Variants in VPS18 observed in about 807,000 individuals in gnomAD.
VPS18 encodes the protein vacuolar protein sorting-associated protein 18 homolog.
VPS18 carries 25 observed loss-of-function variants against 82.0 expected under a neutral mutation model. That is an observed-to-expected ratio of 0.30 (90% confidence interval 0.22 to 0.43). The LOEUF is 0.43. VPS18 is among the 20% of genes least tolerant of loss of function. The pLI is 1.00. For synonymous variants in VPS18, 523 were observed against 543.0 expected (o/e 0.96, Z 0.51); for missense variants, 1,168 against 1,311.1 (o/e 0.89, Z 1.69).
In VPS18 at chr15:40,903,138, C is replaced by T. The variant is rs1393290143; in HGVS notation, c.2719C>T (p.Pro907Ser). Residue 907 changes from proline to serine, a missense_variant, in exon 5 of 5, where the codon CCC (proline) becomes TCC (serine). Coordinates refer to ENST00000220509, the MANE Select transcript of VPS18 (RefSeq NM_020857.3). ...ELQRKLGAAP[P>S]PAKGSARAKE... is the part of the protein sequence containing the mutation. ...GCAGAGGAAGCTGGGGGCTGCTCCACCCCCAGCCAAGGGCTCTGCCCGGGC... is the reference window on the plus strand; with the variant it reads ...GCAGAGGAAGCTGGGGGCTGCTCCATCCCCAGCCAAGGGCTCTGCCCGGGC... 4 of 1,608,516 alleles carry T rather than the reference C, an allele frequency of 2.5e-6. No homozygotes were observed. The highest frequency in any genetic ancestry group is 1.1e-5 in the South Asian group (1 of 90,678).
intron 4 of VPS18, among the ~76,000 whole-genome samples, chr15:40,901,311 C>T (rs1892353786): frequency 6.6e-6 from 1 of 152,198 alleles, no homozygotes; most frequent in Admixed American, 6.5e-5. Context: ...ATGAAAAGTA[C>T]GCAGGGCTGG....
chr15:40,899,782 G>T lies in VPS18; in HGVS notation c.964G>T (p.Ala322Ser). 2 of 1,612,364 alleles carry T rather than the reference G, an allele frequency of 1.2e-6. No individual in the cohort carries two copies. ...GTACCCAGAGGGGGTAGGGCCTGGG[G>T]CCAGCCCACCCCTAGCCATCGTCTT... ...WEYPEGVGPG[A>S]SPPLAIVLTQ... The change falls in exon 4 of 5, where the codon GCC becomes TCC. Residue 322 changes from alanine to serine, a missense_variant. By Grantham distance (99) the Ala-to-Ser change is moderately conservative (BLOSUM62 1). Transcript: ENST00000220509. This position sits in a 1 kb window ranked among gnomAD's most constrained non-coding sequence, Gnocchi z 4.4.
chr15:40,897,296 G>GAA lies in VPS18; in HGVS notation c.233+1229_233+1230dup, dbSNP rs745766692. On this transcript the variant is annotated intron_variant, in intron 2 of 4. Transcript: ENST00000220509. ...GGATGACAAGAGCAAGACTTTGTCT[G>GAA]AAAAAAAAAAAAAGAGTTATCCTGG... is the stretch of plus-strand genomic sequence containing the variant. 1.8e-4 allele frequency among the ~76,000 whole-genome samples: 24 copies of GAA among 134,980 alleles called. 1 individual carries two copies. The highest frequency in any genetic ancestry group is 1.6e-3 in the Admixed American group (22 of 13,390). The allele number at this position is 134,980 out of a possible 152,430, so 88.6% of individuals were successfully genotyped here.
chr15:40,894,904 A>G, intron 1 of VPS18, 45 bp downstream of exon 1: 1 of 1,525,344 alleles, frequency 6.6e-7, no homozygotes, highest in Non-Finnish European at 8.8e-7. Context: ...CTCTCCTAGC[A>G]TTTGCGTGGG....
chr15:40,900,780 C>T lies in VPS18; in HGVS notation c.1962C>T (p.Asn654=), dbSNP rs781201340. 5.6e-6 allele frequency: 9 copies of T among 1,614,106 alleles called. No individual in the cohort carries two copies. Among genetic ancestry groups the T allele is most frequent in the Non-Finnish European group, 6.8e-6 (8 of 1,180,052 alleles). Residue 654 remains asparagine, a synonymous_variant, in exon 4 of 5, where the codon AAC becomes AAT. Transcript: ENST00000220509. The surrounding 1 kb of genome is among the most constrained non-coding windows in gnomAD (Gnocchi z 5.4). ...TCCGCTACATGGAGTTCTGCGTGAA[C>T]GTGCTGGGGGAGACTGAGCAGGCCA... The part of the protein sequence containing the change: ...QAIRYMEFCV[N]VLGETEQAIH...
chr15:40,899,617 T>C lies in VPS18; in HGVS notation c.799T>C (p.Tyr267His), dbSNP rs147916055. 19 of 1,611,138 alleles carry C rather than the reference T, an allele frequency of 1.2e-5. No homozygotes were observed. In the African/African-American group the frequency reaches 2.5e-4, roughly 21 times the overall value. Residue 267 changes from tyrosine (Y) to histidine (H), a missense_variant, in exon 4 of 5, where the codon TAC becomes CAC. Tyr to His is a moderately conservative substitution (Grantham distance 83, BLOSUM62 2). Transcript: ENST00000220509. This position sits in a 1 kb window ranked among gnomAD's most constrained non-coding sequence, Gnocchi z 4.4. The part of the protein sequence containing the change: ...PFREFPSNLG[Y>H]SELAFYTPKL... ...CCGTGAGTTTCCCAGCAACCTGGGC[T>C]ACAGTGAGTTGGCCTTCTACACCCC...
intron 2 of VPS18, among the ~76,000 whole-genome samples, chr15:40,897,484 A>G (rs1311219696): frequency 1.3e-5 from 2 of 152,194 alleles, no homozygotes; most frequent in East Asian, 3.8e-4. Context: ...AAACCACCCT[A>G]TTTATGTTAT....
intron 2 of VPS18, among the ~76,000 whole-genome samples, chr15:40,896,376 C>A (rs1892230019): frequency 6.6e-6 from 1 of 151,938 alleles, no homozygotes; most frequent in African/African-American, 2.4e-5. Context: ...CCCGTCTCTA[C>A]CAAAACAAAT....
At position 40,900,089 on chromosome 15, in the gene VPS18, C is replaced by T. The variant is rs373367742; in HGVS notation, c.1271C>T (p.Thr424Met). ...YCRERPDCLDTVLAREADFCF... is the reference protein window; with the variant it reads ...YCRERPDCLDMVLAREADFCF... Reference sequence around the variant, plus strand: ...CGAGAGCGGCCCGACTGCCTGGACACGGTCCTGGCCCGGGAGGCCGATTTC... The same window carrying T: ...CGAGAGCGGCCCGACTGCCTGGACATGGTCCTGGCCCGGGAGGCCGATTTC... Residue 424 changes from threonine (T) to methionine (M), a missense_variant, in exon 4 of 5, where the codon ACG becomes ATG. Around this residue, in one of 3 missense-constraint regions of VPS18, gnomAD observed 868 missense variants for 939.8 expected, o/e 0.92. Transcript: ENST00000220509. The surrounding 1 kb of genome is among the most constrained non-coding windows in gnomAD (Gnocchi z 5.4). The T allele has an allele frequency of 3.5e-5, 56 of 1,613,790 alleles. No individual in the cohort carries two copies. The highest frequency in any genetic ancestry group is 3.3e-4 in the Middle Eastern group (2 of 6,084).
chr15:40,894,693 G>C lies in VPS18; in HGVS notation c.-76G>C, dbSNP rs966918657. 14 of 1,416,196 alleles carry C rather than the reference G, an allele frequency of 9.9e-6. No homozygotes were observed. Among genetic ancestry groups the C allele is most frequent in the Admixed American group, 7.4e-5 (3 of 40,606 alleles). 87.7% of individuals were successfully genotyped at this position (1,416,196 alleles called of 1,614,324 possible). A position where few individuals can be genotyped will look rare whatever the true frequency, so the allele number is the denominator to read the frequency against. ...CTGGGGAGTTACAGCTTCCATTCTG[G>C]GGCGACGGGGACCCCGGGGGGGTAG... On this transcript the variant is annotated 5_prime_UTR_variant, in exon 1 of 5. Transcript: ENST00000220509.
At chr15:40,897,431 C>A (rs1278754400) in intron 2 of VPS18, among the ~76,000 whole-genome samples, 1 of 151,994 alleles carries the variant, frequency 6.6e-6, no homozygotes, top group African/African-American at 2.4e-5. Flanking sequence ...AAGACACATA[C>A]ACATATGTGC....
chr15:40,899,661 C>G lies in VPS18; in HGVS notation c.843C>G (p.Pro281=). 6.2e-7 allele frequency: 1 copy of G among 1,613,622 alleles called. No homozygotes were observed. Among genetic ancestry groups the G allele is most frequent in the Non-Finnish European group, 8.5e-7 (1 of 1,180,038 alleles). Residue 281 remains proline (P), a synonymous_variant, in exon 4 of 5, where the codon CCC becomes CCG. Transcript: ENST00000220509. The surrounding 1 kb of genome is among the most constrained non-coding windows in gnomAD (Gnocchi z 4.4). ...AFYTPKLRSA[P]RAFAWMMGDG... is the part of the protein sequence containing the mutation. ...ACACCCCCAAGCTGCGCTCCGCACC[C>G]CGGGCCTTCGCCTGGATGATGGGGG...
rs773562166 is a variant in VPS18, at chr15:40,899,209, G to T, written c.391G>T (p.Val131Leu). 4 of 1,614,100 alleles carry T rather than the reference G, an allele frequency of 2.5e-6. 1 individual carries two copies. In the Admixed American group the frequency reaches 5.0e-5, roughly 20 times the overall value. Residue 131 changes from valine (V) to leucine (L), a missense_variant, in exon 4 of 5, where the codon GTA (valine) becomes TTA (leucine). Physicochemically the swap from Val to Leu is conservative, Grantham distance 32. Coordinates refer to ENST00000220509, the MANE Select transcript of VPS18 (RefSeq NM_020857.3). The surrounding 1 kb of genome is among the most constrained non-coding windows in gnomAD (Gnocchi z 4.4). ...CTACGTGAACCGAAATGGACAGAAG[G>T]TACGGCCACTAGCACGCTGGAAGGG... is the stretch of plus-strand genomic sequence containing the variant. Reference protein sequence around the residue: ...VLYVNRNGQKVRPLARWKGQL... With the variant: ...VLYVNRNGQKLRPLARWKGQL...
chr15:40,898,938 C>G lies in VPS18; in HGVS notation c.265C>G (p.His89Asp). The G allele has an allele frequency of 1.2e-6, 2 of 1,614,136 alleles. No individual in the cohort carries two copies. The highest frequency in any genetic ancestry group is 1.7e-6 in the Non-Finnish European group (2 of 1,180,016). ...CTTGGGCAAGGCAAATGAGCCCAACCACGTGGAGCTGGGACGTAAGGATGA... is the reference window on the plus strand; with the variant it reads ...CTTGGGCAAGGCAAATGAGCCCAACGACGTGGAGCTGGGACGTAAGGATGA... ...IDLGKANEPN[H>D]VELGRKDDAK... Residue 89 changes from histidine to aspartate, a missense_variant, in exon 3 of 5, where the codon CAC becomes GAC. By Grantham distance (81) the His-to-Asp change is moderately conservative. Around this residue, in one of 3 missense-constraint regions of VPS18, gnomAD observed 868 missense variants for 939.8 expected, o/e 0.92. Coordinates refer to ENST00000220509, the MANE Select transcript of VPS18 (RefSeq NM_020857.3).
At position 40,900,189 on chromosome 15, in the gene VPS18, C is replaced by T. The variant is rs1340105101; in HGVS notation, c.1371C>T (p.Ala457=). Reference sequence around the variant, plus strand: ...CCCAGAGCTACTTTGAGGAGATTGCCCTCAAGTTCCTGGAGGCCCGACAGG... The same window carrying T: ...CCCAGAGCTACTTTGAGGAGATTGCTCTCAAGTTCCTGGAGGCCCGACAGG... ...ALTQSYFEEI[A]LKFLEARQEE... is the part of the protein sequence containing the mutation. Residue 457 remains alanine, a synonymous_variant, in exon 4 of 5, where the codon GCC becomes GCT. Coordinates refer to ENST00000220509, the MANE Select transcript of VPS18 (RefSeq NM_020857.3). This position sits in a 1 kb window ranked among gnomAD's most constrained non-coding sequence, Gnocchi z 5.4. The T allele has an allele frequency of 5.0e-6, 8 of 1,613,728 alleles. No individual in the cohort carries two copies. The Admixed American group carries it at 1.0e-4, about 20-fold the overall frequency.
rs775430703 is a variant in VPS18, at chr15:40,903,147, A to G, written c.2728A>G (p.Lys910Glu). Residue 910 changes from lysine to glutamate, a missense_variant, in exon 5 of 5, where the codon AAG becomes GAG. Around this residue, in one of 3 missense-constraint regions of VPS18, gnomAD observed 296 missense variants for 354.0 expected, o/e 0.84. Coordinates refer to ENST00000220509, the MANE Select transcript of VPS18 (RefSeq NM_020857.3). ...RKLGAAPPPA[K>E]GSARAKEAEG... ...GCTGGGGGCTGCTCCACCCCCAGCC[A>G]AGGGCTCTGCCCGGGCCAAGGAGGC... 1.1e-5 allele frequency: 18 copies of G among 1,607,686 alleles called. No homozygotes were observed. The highest frequency in any genetic ancestry group is 1.5e-5 in the Non-Finnish European group (18 of 1,176,936).
At chr15:40,894,998 C>T (rs2142035137) in intron 1 of VPS18, 139 bp downstream of exon 1, 4 of 827,466 alleles carry the variant, frequency 4.8e-6, no homozygotes, top group Non-Finnish European at 7.2e-6. Context: ...TCTCCTCAGG[C>T]TCTCTTGGCC....
chr15:40,903,151 G>C lies in VPS18; in HGVS notation c.2732G>C (p.Gly911Ala), dbSNP rs1474309091. The change falls in exon 5 of 5, where the codon GGC (glycine) becomes GCC (alanine). Residue 911 changes from glycine to alanine, a missense_variant. Physicochemically the swap from Gly to Ala is moderately conservative, Grantham distance 60. Around this residue, in one of 3 missense-constraint regions of VPS18, gnomAD observed 296 missense variants for 354.0 expected, o/e 0.84. Transcript: ENST00000220509. ...GGGGCTGCTCCACCCCCAGCCAAGG[G>C]CTCTGCCCGGGCCAAGGAGGCCGAG... ...KLGAAPPPAK[G>A]SARAKEAEGG... 2 of 1,606,590 alleles carry C rather than the reference G, an allele frequency of 1.2e-6. No individual in the cohort carries two copies. The highest frequency in any genetic ancestry group is 3.4e-5 in the Admixed American group (2 of 58,572).
Position 40,902,715 on chromosome 15 carries a change from G to A in VPS18, c.2296G>A (p.Glu766Lys). The A allele has an allele frequency of 1.9e-6, 3 of 1,614,270 alleles. No individual in the cohort carries two copies. Among genetic ancestry groups the A allele is most frequent in the South Asian group, 2.2e-5 (2 of 91,090 alleles). Reference sequence around the variant, plus strand: ...GAAGATCGCACGGCACGTGGTGCAGGAAGAGGAAGATGTACAGACAGCCAT... The same window carrying A: ...GAAGATCGCACGGCACGTGGTGCAGAAAGAGGAAGATGTACAGACAGCCAT... ...WLKIARHVVQ[E>K]EEDVQTAMAC... The change falls in exon 5 of 5, where the codon GAA becomes AAA. Residue 766 changes from glutamate to lysine, a missense_variant. Physicochemically the swap from Glu to Lys is moderately conservative, Grantham distance 56. This residue lies in a region of VPS18 where 296 missense variants were observed against 354.0 expected (regional missense o/e 0.84). Coordinates refer to ENST00000220509, the MANE Select transcript of VPS18 (RefSeq NM_020857.3). The surrounding 1 kb of genome is among the most constrained non-coding windows in gnomAD (Gnocchi z 4.2).
Sources: gnomAD v4.1 joint callset for allele counts (sites outside exome capture counted in the v4.1 genomes callset) on GRCh38, gnomAD v4.1.1 for gene constraint, gnomAD v4.1.1 regional missense constraint, Gnocchi (gnomAD v3.1) non-coding constraint, MANE v1.5 for transcripts, NCBI Gene and HGNC (gene_info 2026-07-23, HGNC 2026-07-21) for gene names.